SH3TC1: variants seen among roughly 807,000 people sequenced by gnomAD.
SH3TC1 encodes SH3 domain and tetratricopeptide repeats 1, also known as SH3 domain and tetratricopeptide repeat-containing protein 1.
A neutral mutation model predicts 117.3 loss-of-function variants in SH3TC1; 135 were observed. The observed-to-expected ratio is 1.15, with a 90% confidence interval of 1.00 to 1.33. The LOEUF is 1.33. Ranked by LOEUF, SH3TC1 falls within the 40% of genes most tolerant of loss-of-function variation. SH3TC1 has a pLI of 0.00. For missense variants in SH3TC1, 2,092 were observed against 1,794.3 expected, an observed-to-expected ratio of 1.17 and a Z score of -3.00; for synonymous variants, 898 against 816.9, an observed-to-expected ratio of 1.10 and a Z score of -1.69.
intron 9 of SH3TC1, among the ~76,000 whole-genome samples, chr4:8,220,537 C>A (rs1719820852): frequency 6.6e-6 from 1 of 152,142 alleles, no homozygotes; most frequent in Admixed American, 6.5e-5. Context: ...AGCAGGGGGT[C>A]TTTGGAGAGG....
At chr4:8,207,993 G>A (rs576531582) in intron 2 of SH3TC1, among the ~76,000 whole-genome samples, 11 of 152,340 alleles carry the variant, frequency 7.2e-5, no homozygotes, top group East Asian at 5.8e-4. Context: ...GAGGACTTGC[G>A]TACAGGGTGG....
chr4:8,198,809 G>A (rs1407544107), upstream of SH3TC1, among the ~76,000 whole-genome samples: 2 of 152,254 alleles, frequency 1.3e-5, no homozygotes, highest in African/African-American at 2.4e-5. Flanking sequence ...GCACGTGAGC[G>A]TTTGTGTGCA....
At chr4:8,229,720 G>A (rs999571612) in intron 12 of SH3TC1, among the ~76,000 whole-genome samples, 1 of 151,986 alleles carries the variant, frequency 6.6e-6, no homozygotes, top group South Asian at 2.1e-4. Flanking sequence ...GGGGGGTTCA[G>A]ACCCAGGCTT....
chr4:8,240,646 G>A (rs1279641027), intron 17 of SH3TC1, 52 bp from the exon 18 acceptor site: 2 of 1,607,796 alleles, frequency 1.2e-6, no homozygotes, highest in African/African-American at 1.3e-5. Context: ...ACGGCCTCTG[G>A]GGAGACTGGC....
In SH3TC1 at chr4:8,186,585, A is replaced by G. The variant is rs151163920; in HGVS notation, c.-57+4375A>G. ...ATGGGAGTTTATGCCAATGCCCTGC[A>G]CTGGCTTCCCAACTTATCTATCTAA... On this transcript the variant is annotated intron_variant, in intron 1 of 16. Coordinates refer to the SH3TC1 transcript ENST00000508641. The surrounding 1 kb of genome is among the most constrained non-coding windows in gnomAD (Gnocchi z 5.2). Among the ~76,000 whole-genome samples, 31 of 152,332 alleles carry G rather than the reference A, an allele frequency of 2.0e-4. No individual in the cohort carries two copies. The highest frequency in any genetic ancestry group is 7.5e-4 in the African/African-American group (31 of 41,578).
rs139847654 is a variant in SH3TC1, at chr4:8,220,261, C to T, written c.1112+731C>T. Reference sequence around the variant, plus strand: ...GCCCGACCTTGCAGGCCCCCATGGGCTGCACAGAGTACCTTGTGCCTTCCA... The same window carrying T: ...GCCCGACCTTGCAGGCCCCCATGGGTTGCACAGAGTACCTTGTGCCTTCCA... On this transcript the variant is annotated intron_variant, in intron 9 of 17. Transcript: ENST00000245105. Among the ~76,000 whole-genome samples, 1,099 of 152,306 alleles carry T rather than the reference C, an allele frequency of 7.2e-3. 19 individuals are homozygous for T. The highest frequency in any genetic ancestry group is 0.025 in the African/African-American group (1,039 of 41,568).
At chr4:8,200,542 C>G (rs753283786) in intron 1 of SH3TC1, among the ~76,000 whole-genome samples, 3 of 152,196 alleles carry the variant, frequency 2.0e-5, no homozygotes, top group Non-Finnish European at 2.9e-5. Context: ...CCGTGTGGGG[C>G]GCTGGGCCAG....
rs932897410 is a variant in SH3TC1 at position 8,205,832 on chromosome 4, C to G, written c.172+466C>G. The G allele has an allele frequency of 1.7e-6, 1 of 595,940 alleles. No individual in the cohort carries two copies. Among genetic ancestry groups the G allele is most frequent in the African/African-American group, 1.9e-5 (1 of 53,900 alleles). 36.9% of individuals were successfully genotyped at this position (595,940 alleles called of 1,614,324 possible). A position where few individuals can be genotyped will look rare whatever the true frequency, so the allele number is the denominator to read the frequency against. On this transcript the variant is annotated intron_variant, in intron 2 of 17. Coordinates refer to ENST00000245105, the MANE Select transcript of SH3TC1 (RefSeq NM_018986.5). This position sits in a 1 kb window ranked among gnomAD's most constrained non-coding sequence, Gnocchi z 5.4. Reference sequence around the variant, plus strand: ...ACGTGTGCCCAGTTTCCTGAATTCCCGGGAGACCTGAAGAGTGACCTAGGT... The same window carrying G: ...ACGTGTGCCCAGTTTCCTGAATTCCGGGGAGACCTGAAGAGTGACCTAGGT...
Position 8,219,473 on chromosome 4 carries a change from CG to C in SH3TC1, c.1058del (p.Gly353AlafsTer48). Reference protein sequence around the residue: ...LPWCVGRHAASGRVGFVRSSL... With the variant: ...LPWCVGRHAAXGRVGFVRSSL... ...TGGTGCGTGGGCCGACACGCAGCCT[CG>C]GGCCGGGTGGGGTTTGTGCGGAGCA... On this transcript the variant is annotated frameshift_variant, in exon 9 of 18. Transcript: ENST00000245105. LOFTEE classifies it high-confidence loss of function. 13 of 1,603,268 alleles carry C rather than the reference CG, an allele frequency of 8.1e-6. No individual in the cohort carries two copies. The highest frequency in any genetic ancestry group is 1.1e-5 in the Non-Finnish European group (13 of 1,173,856).
intron 2 of SH3TC1, among the ~76,000 whole-genome samples, chr4:8,207,732 C>A (rs1718324105): frequency 6.6e-6 from 1 of 152,224 alleles, no homozygotes. Flanking sequence ...GTGTCTTCGT[C>A]ACTTAGTGGG....
chr4:8,218,223 C>A, intron 7 of SH3TC1, 48 bp from the exon 8 acceptor site: 2 of 1,498,628 alleles, frequency 1.3e-6, no homozygotes, highest in Non-Finnish European at 1.9e-6. Context: ...GATGTATCTG[C>A]CCCAAATCTG....
intron 17 of SH3TC1, among the ~76,000 whole-genome samples, chr4:8,238,235 A>G (rs1208662868): frequency 2.0e-5 from 3 of 152,012 alleles, no homozygotes; most frequent in Admixed American, 6.5e-5. Context: ...CCTGCTTCAC[A>G]GACAGGGAAA....
intron 1 of SH3TC1, among the ~76,000 whole-genome samples, chr4:8,193,331 C>A (rs1458619723): frequency 6.6e-6 from 1 of 152,232 alleles, no homozygotes. Context: ...TGTAGATTAA[C>A]CCCTTGGGGT....
chr4:8,205,204 C>T lies in SH3TC1; in HGVS notation c.10C>T (p.Leu4Phe), dbSNP rs1718099413. The T allele has an allele frequency of 1.3e-6, 2 of 1,532,914 alleles. No individual in the cohort carries two copies. The highest frequency in any genetic ancestry group is 1.8e-6 in the Non-Finnish European group (2 of 1,140,740). The allele number at this position is 1,532,914 out of a possible 1,614,324, so 95.0% of individuals were successfully genotyped here. MENLPAVTTEEPTP... is the reference protein window; with the variant it reads MENFPAVTTEEPTP... ...GAGGTCTCTGCGGGTCATGGAGAAC[C>T]TCCCTGCCGTGACCACTGAGGAGCC... is the stretch of plus-strand genomic sequence containing the variant. The change falls in exon 2 of 18, where the codon CTC (leucine) becomes TTC (phenylalanine). Residue 4 changes from leucine (L) to phenylalanine (F), a missense_variant. By Grantham distance (22) the Leu-to-Phe change is conservative (BLOSUM62 0). Coordinates refer to ENST00000245105, the MANE Select transcript of SH3TC1 (RefSeq NM_018986.5). The surrounding 1 kb of genome is among the most constrained non-coding windows in gnomAD (Gnocchi z 5.4).
At position 8,225,276 on chromosome 4, in the gene SH3TC1, T is replaced by C. The variant is rs1057010892; in HGVS notation, c.1285+60T>C. The C allele has an allele frequency of 6.4e-7, 1 of 1,565,964 alleles. No homozygotes were observed. The highest frequency in any genetic ancestry group is 1.3e-5 in the African/African-American group (1 of 74,108). On this transcript the variant is annotated intron_variant, in intron 11 of 17. Transcript: ENST00000245105. The surrounding 1 kb of genome is among the most constrained non-coding windows in gnomAD (Gnocchi z 5.5). ...TATGAGCTGGGCCTTGGGGTAACGC[T>C]GGGGGAGGTGACAAAGCTGAGCACG...
chr4:8,216,440 G>C (rs1719284460), intron 6 of SH3TC1, among the ~76,000 whole-genome samples, 183 bp downstream of exon 6: 1 of 152,206 alleles, frequency 6.6e-6, no homozygotes, highest in Non-Finnish European at 1.5e-5. Context: ...CTTAGCTCTA[G>C]AGACCCTGGC....
At chr4:8,184,283 G>A (rs971901810) in intron 1 of SH3TC1, among the ~76,000 whole-genome samples, 3 of 152,228 alleles carry the variant, frequency 2.0e-5, no homozygotes, top group African/African-American at 7.2e-5. Context: ...GAGACACCTG[G>A]CTTTCACCAT....
intron 1 of SH3TC1, among the ~76,000 whole-genome samples, chr4:8,184,913 TG>T (rs1305523459): frequency 2.3e-4 from 8 of 35,114 alleles, no homozygotes; most frequent in Admixed American, 9.0e-4. Context: ...TACAGTTAAT[TG>T]TTTTGTCAAT....
rs569876244 is a variant in SH3TC1 at position 8,209,750 on chromosome 4, G to C, written c.175G>C (p.Glu59Gln). 1 of 1,613,668 alleles carries C rather than the reference G, an allele frequency of 6.2e-7. No homozygotes were observed. Among genetic ancestry groups the C allele is most frequent in the African/African-American group, 1.3e-5 (1 of 74,910 alleles). Residue 59 changes from glutamate (E) to glutamine (Q), a missense_variant and splice_region_variant, in exon 3 of 18, where the codon GAG (glutamate) becomes CAG (glutamine). Glu to Gln is a conservative substitution (Grantham distance 29). Transcript: ENST00000245105. This position sits in a 1 kb window ranked among gnomAD's most constrained non-coding sequence, Gnocchi z 5.9. ...EEAKAPVRGD[E>Q]APPARVAGPA... is the part of the protein sequence containing the mutation. ...CCTGGGAACCTGCTGTGTTGCAGAC[G>C]AGGCTCCTCCTGCCCGCGTGGCTGG... is the stretch of plus-strand genomic sequence containing the variant.
Sources: allele counts gnomAD v4.1 joint callset (sites outside exome capture counted in the v4.1 genomes callset), GRCh38; gene constraint gnomAD v4.1.1; non-coding constraint Gnocchi (gnomAD v3.1); transcripts MANE v1.5; gene names NCBI Gene and HGNC (gene_info 2026-07-23, HGNC 2026-07-21).